Variants in RGS2 observed in about 807,000 individuals in gnomAD.
RGS2 encodes regulator of G protein signaling 2, also known as G0 to G1 switch regulatory 8, 24kD.
RGS2 carries 20 observed loss-of-function variants against 26.6 expected under a neutral mutation model. That is an observed-to-expected ratio of 0.75 (90% CI 0.53 to 1.09). RGS2 has a LOEUF of 1.09. Among genes scored for constraint, RGS2 ranks in the 50% least tolerant of loss-of-function variants. The pLI is 0.00. For synonymous variants in RGS2, 97 were observed against 79.9 expected (o/e 1.21, Z -1.14); for missense variants, 246 against 245.5 (o/e 1.00, Z -0.01).
intron 1 of RGS2, 54 bp downstream of exon 1, chr1:192,809,235 G>T: frequency 7.9e-7 from 1 of 1,272,070 alleles, no homozygotes. Flanking sequence ...ACTGCAAGCT[G>T]CAAACGCGGT....
intron 3 of RGS2, 111 bp downstream of exon 3, chr1:192,810,542 A>G (rs1193324812): frequency 3.3e-6 from 3 of 898,784 alleles, no homozygotes; most frequent in Non-Finnish European, 5.5e-6. Context: ...TGCAGTCACT[A>G]TAGGATAAAG....
At chr1:192,810,721 G>T in intron 3 of RGS2, 1 of 609,340 alleles carries the variant, frequency 1.6e-6, no homozygotes, top group South Asian at 2.0e-5. Flanking sequence ...AGTTCCCAGA[G>T]AATTTATGGC....
rs141804594 is a variant in RGS2 at position 192,811,657 on chromosome 1, G to A, written c.*61G>A. 2.0e-4 allele frequency: 300 copies of A among 1,477,594 alleles called. No homozygotes were observed. In the African/African-American group the frequency reaches 3.8e-3, roughly 18 times the overall value. The allele number at this position is 1,477,594 out of a possible 1,614,324, so 91.5% of individuals were successfully genotyped here. On this transcript the variant is annotated 3_prime_UTR_variant, in exon 5 of 5. Coordinates refer to ENST00000235382, the MANE Select transcript of RGS2 (RefSeq NM_002923.4). ...ATTCTTTTTCCTGAGGGGAAGGACT[G>A]TGACCTGCCATAAAGACTGACCTTG...
chr1:192,810,270 AAGTT>A lies in RGS2; in HGVS notation c.212+4_212+7del, dbSNP rs1665563406. 2 of 1,612,402 alleles carry A rather than the reference AAGTT, an allele frequency of 1.2e-6. No homozygotes were observed. The highest frequency in any genetic ancestry group is 1.7e-6 in the Non-Finnish European group (2 of 1,178,456). The stretch of plus-strand genomic sequence containing the variant: ...AGCAAACAGCAAGCTTTCATCAAGT[AAGTT>A]GAGAATCCTGTGCTTGCAAATATCA... On this transcript the variant is annotated splice_donor_5th_base_variant and intron_variant, in intron 2 of 4. Coordinates refer to ENST00000235382, the MANE Select transcript of RGS2 (RefSeq NM_002923.4).
At chr1:192,809,638 T>G in intron 1 of RGS2, 1 of 286,898 alleles carries the variant, frequency 3.5e-6, no homozygotes, top group African/African-American at 2.2e-5. Context: ...AAATAATTGT[T>G]ATGCAGCGTC....
intron 1 of RGS2, 77 bp downstream of exon 1, chr1:192,809,258 G>C (rs1665547969): frequency 4.7e-6 from 5 of 1,072,168 alleles, no homozygotes; most frequent in Non-Finnish European, 5.8e-6. Context: ...TTTCGGGCTC[G>C]CCTTTGACGT....
Position 192,811,386 on chromosome 1 carries a change from TTTTG to T in RGS2, c.442-12_442-9del. 6.3e-7 allele frequency: 1 copy of T among 1,595,932 alleles called. No individual in the cohort carries two copies. The highest frequency in any genetic ancestry group is 8.6e-7 in the Non-Finnish European group (1 of 1,165,370). ...ACTCTGAATACCAAATAAACAACTT[TTTTG>T]TTTTATTTCAGATAAACATAGATTT... On this transcript the variant is annotated splice_polypyrimidine_tract_variant and intron_variant, in intron 4 of 4. Coordinates refer to ENST00000235382, the MANE Select transcript of RGS2 (RefSeq NM_002923.4).
chr1:192,809,712 T>C (rs983525445), intron 1 of RGS2, among the ~76,000 whole-genome samples: 2 of 151,982 alleles, frequency 1.3e-5, no homozygotes, highest in African/African-American at 4.8e-5. Flanking sequence ...CCCACCTCTT[T>C]GTACAGTCTC....
At chr1:192,810,460 G>A (rs1472958551) in intron 3 of RGS2, 29 bp downstream of exon 3, 1 of 1,607,100 alleles carries the variant, frequency 6.2e-7, no homozygotes, top group Non-Finnish European at 8.5e-7. Flanking sequence ...TTGAGCCATT[G>A]CTAACATCGC....
chr1:192,809,128 C>T lies in RGS2; in HGVS notation c.57C>T (p.Ser19=). Residue 19 remains serine (S), a synonymous_variant, in exon 1 of 5, where the codon AGC becomes AGT. Coordinates refer to ENST00000235382, the MANE Select transcript of RGS2 (RefSeq NM_002923.4). ...ACGACTGCAGACCCATGGACAAGAG[C>T]GCAGGCAGTGGCCACAAGAGCGAGG... ...VQHDCRPMDK[S]AGSGHKSEEK... The T allele has an allele frequency of 6.2e-7, 1 of 1,614,052 alleles. No homozygotes were observed. Among genetic ancestry groups the T allele is most frequent in the Non-Finnish European group, 8.5e-7 (1 of 1,179,946 alleles).
chr1:192,809,239 A>C, intron 1 of RGS2, 58 bp downstream of exon 1: 2 of 1,253,030 alleles, frequency 1.6e-6, no homozygotes, highest in Non-Finnish European at 2.4e-6. Flanking sequence ...CAAGCTGCAA[A>C]CGCGGTACTT....
At position 192,810,420 on chromosome 1, in the gene RGS2, T is replaced by A. The variant is rs958492888; in HGVS notation, c.263T>A (p.Leu88Gln). Residue 88 changes from leucine (L) to glutamine (Q), a missense_variant, in exon 3 of 5, where the codon CTA becomes CAA. Coordinates refer to ENST00000235382, the MANE Select transcript of RGS2 (RefSeq NM_002923.4). ...QLWSEAFDEL[L>Q]ASKYGLAAFR... Reference sequence around the variant, plus strand: ...TGGTCAGAAGCATTTGACGAGCTGCTAGCCAGCAAATGTAAGTTAACTCTT... The same window carrying A: ...TGGTCAGAAGCATTTGACGAGCTGCAAGCCAGCAAATGTAAGTTAACTCTT... The A allele has an allele frequency of 2.5e-6, 4 of 1,613,998 alleles. No individual in the cohort carries two copies. The highest frequency in any genetic ancestry group is 3.4e-6 in the Non-Finnish European group (4 of 1,179,988).
chr1:192,811,518 T>G lies in RGS2; in HGVS notation c.558T>G (p.Tyr186Ter), dbSNP rs1398934622. 1.2e-6 allele frequency: 2 copies of G among 1,614,152 alleles called. No homozygotes were observed. The highest frequency in any genetic ancestry group is 3.3e-5 in the Admixed American group (2 of 60,020). ...RVYSLMENNS[Y>*]PRFLESEFYQ... ...ACAGCTTGATGGAGAACAACTCTTA[T>G]CCTCGTTTCTTGGAGTCAGAATTCT... is the stretch of plus-strand genomic sequence containing the variant. The change falls in exon 5 of 5, where the codon TAT becomes TAG. Residue 186 changes from tyrosine (Y) to a stop codon, truncating the protein, a stop_gained. Coordinates refer to ENST00000235382, the MANE Select transcript of RGS2 (RefSeq NM_002923.4). LOFTEE classifies it high-confidence loss of function.
chr1:192,809,122 C>G lies in RGS2; in HGVS notation c.51C>G (p.Asp17Glu). The change falls in exon 1 of 5, where the codon GAC becomes GAG. Residue 17 changes from aspartate to glutamate, a missense_variant. By Grantham distance (45) the Asp-to-Glu change is conservative. Coordinates refer to ENST00000235382, the MANE Select transcript of RGS2 (RefSeq NM_002923.4). ...LAVQHDCRPM[D>E]KSAGSGHKSE... is the part of the protein sequence containing the mutation. ...TTCAACACGACTGCAGACCCATGGA[C>G]AAGAGCGCAGGCAGTGGCCACAAGA... is the stretch of plus-strand genomic sequence containing the variant. 1 of 1,614,096 alleles carries G rather than the reference C, an allele frequency of 6.2e-7. No homozygotes were observed. The highest frequency in any genetic ancestry group is 8.5e-7 in the Non-Finnish European group (1 of 1,179,958).
chr1:192,811,506 G>A lies in RGS2; in HGVS notation c.546G>A (p.Glu182=), dbSNP rs1244421075. 4.8e-5 allele frequency: 78 copies of A among 1,614,084 alleles called. No individual in the cohort carries two copies. Among genetic ancestry groups the A allele is most frequent in the Non-Finnish European group, 6.5e-5 (77 of 1,179,952 alleles). Residue 182 remains glutamate, a synonymous_variant, in exon 5 of 5, where the codon GAG becomes GAA. Coordinates refer to ENST00000235382, the MANE Select transcript of RGS2 (RefSeq NM_002923.4). ...AGAAAAGGGTATACAGCTTGATGGA[G>A]AACAACTCTTATCCTCGTTTCTTGG... ...TAQKRVYSLM[E]NNSYPRFLES...
chr1:192,809,211 A>C (rs1039116247), intron 1 of RGS2, 30 bp downstream of exon 1: 1 of 1,471,644 alleles, frequency 6.8e-7, no homozygotes, highest in East Asian at 2.3e-5. Flanking sequence ...CTCTCCCGCC[A>C]CCCCCTGCCC....
chr1:192,811,723 T>C lies in RGS2; in HGVS notation c.*127T>C. 1 of 937,164 alleles carries C rather than the reference T, an allele frequency of 1.1e-6. No individual in the cohort carries two copies. The highest frequency in any genetic ancestry group is 1.7e-6 in the Non-Finnish European group (1 of 576,430). The allele number at this position is 937,164 out of a possible 1,614,324, so 58.1% of individuals were successfully genotyped here. Reference sequence around the variant, plus strand: ...TTCAGGAAACATCACTCAGAACTATTGATTCAAAGTTGGGTAGTGAATCAG... The same window carrying C: ...TTCAGGAAACATCACTCAGAACTATCGATTCAAAGTTGGGTAGTGAATCAG... On this transcript the variant is annotated 3_prime_UTR_variant, in exon 5 of 5. Transcript: ENST00000235382.
At chr1:192,809,929 A>G (rs1665556844) in intron 1 of RGS2, among the ~76,000 whole-genome samples, 1 of 152,238 alleles carries the variant, frequency 6.6e-6, no homozygotes, top group African/African-American at 2.4e-5. Flanking sequence ...TAGTGATTAT[A>G]GGTAGCCCTG....
chr1:192,810,520 G>A (rs537691552), intron 3 of RGS2, 89 bp downstream of exon 3: 25 of 1,169,192 alleles, frequency 2.1e-5, no homozygotes, highest in African/African-American at 2.0e-4. Flanking sequence ...GCTTGCCTGA[G>A]GGGGATTAGA....
Sources: gnomAD v4.1 joint callset for allele counts (sites outside exome capture counted in the v4.1 genomes callset) on GRCh38, gnomAD v4.1.1 for gene constraint, MANE v1.5 for transcripts, NCBI Gene and HGNC (gene_info 2026-07-23, HGNC 2026-07-21) for gene names.